ZBTB8OS: variants seen among roughly 807,000 people sequenced by gnomAD.
ZBTB8OS encodes the protein tRNA splicing ligase complex subunit 1, also known as tRNA-splicing ligase-activating factor archease.
Under a neutral mutation model 29.3 loss-of-function variants are expected in ZBTB8OS, and 16 were observed. The ratio of observed to expected loss-of-function variants is 0.55; its 90% CI spans 0.37 to 0.83. The LOEUF (loss-of-function observed/expected upper bound fraction) is 0.83. Among genes scored for constraint, ZBTB8OS ranks in the 40% least tolerant of loss-of-function variants. The pLI, the probability that ZBTB8OS is intolerant of heterozygous loss-of-function variation, is 0.00. For synonymous variants in ZBTB8OS, 70 were observed against 64.6 expected, an observed-to-expected ratio of 1.08 and a Z score of -0.40; for missense variants, 160 against 196.9, an observed-to-expected ratio of 0.81 and a Z score of 1.12.
intron 6 of ZBTB8OS, among the ~76,000 whole-genome samples, chr1:32,625,248 T>TA (rs955677203): frequency 5.1e-5 from 7 of 137,788 alleles, no homozygotes; most frequent in African/African-American, 1.1e-4. Context: ...ATAATAATAA[T>TA]AAAAAAAACT....
intron 1 of ZBTB8OS, among the ~76,000 whole-genome samples, chr1:32,638,710 C>T (rs1008993544): frequency 7.2e-5 from 11 of 152,016 alleles, no homozygotes; most frequent in African/African-American, 2.2e-4. Flanking sequence ...ATTAGGAGTT[C>T]GAGAACAGCC....
rs576721463 is a variant in ZBTB8OS at position 32,648,913 on chromosome 1, C to T, written c.97+1520G>A. 3.4e-5 allele frequency among the ~76,000 whole-genome samples: 5 copies of T among 148,706 alleles called. No individual in the cohort carries two copies. The South Asian group carries it at 1.1e-3, about 32-fold the overall frequency. On this transcript the variant is annotated intron_variant, in intron 1 of 6. Coordinates refer to ENST00000468695, the MANE Select transcript of ZBTB8OS (RefSeq NM_178547.5). ...TCCTGACCTCAGGTGATCCACCCGC[C>T]TCAACCTCCCAAAGTGCTGGGATTA...
At chr1:32,625,997 C>T (rs149208324) in intron 6 of ZBTB8OS, among the ~76,000 whole-genome samples, 15,962 of 151,654 alleles carry the variant, frequency 0.11, 1,500 homozygotes, top group African/African-American at 0.24. Flanking sequence ...CTCAGCCTCC[C>T]GAATAGCTGG....
At chr1:32,629,749 C>CTTTTTTTTT (rs869185319) in intron 5 of ZBTB8OS, among the ~76,000 whole-genome samples, 27 of 114,120 alleles carry the variant, frequency 2.4e-4, no homozygotes, top group Non-Finnish European at 3.7e-4. Context: ...ATGCTTGTTT[C>CTTTTTTTTT]TTTTTTTTTT....
At chr1:32,636,918 T>C (rs1427176923) in intron 1 of ZBTB8OS, among the ~76,000 whole-genome samples, 1 of 152,036 alleles carries the variant, frequency 6.6e-6, no homozygotes, top group Non-Finnish European at 1.5e-5. Context: ...TAGAAGTGTC[T>C]TTCTCTAAAA....
intron 1 of ZBTB8OS, among the ~76,000 whole-genome samples, chr1:32,636,127 G>GC (rs1645934464): frequency 6.6e-6 from 1 of 152,188 alleles, no homozygotes; most frequent in South Asian, 2.1e-4. Context: ...AGAGAAGACA[G>GC]CAAGAAAAAC....
intron 6 of ZBTB8OS, 127 bp downstream of exon 6, chr1:32,627,381 T>C: frequency 1.3e-6 from 1 of 792,214 alleles, no homozygotes; most frequent in South Asian, 1.7e-5. Context: ...TCCAGACAGG[T>C]CAGAGAAGCT....
chr1:32,623,982 G>GT (rs1644924525), intron 6 of ZBTB8OS, among the ~76,000 whole-genome samples: 2 of 152,118 alleles, frequency 1.3e-5, no homozygotes, highest in South Asian at 4.1e-4. Context: ...GTGATAGTGC[G>GT]TGAGTTTTCA....
intron 1 of ZBTB8OS, among the ~76,000 whole-genome samples, chr1:32,636,463 G>A (rs1056496968): frequency 4.6e-5 from 7 of 152,136 alleles, no homozygotes; most frequent in African/African-American, 1.7e-4. Flanking sequence ...GGCCGAGGCA[G>A]GTGGATCACA....
At chr1:32,622,814 T>C (rs551407485) in intron 6 of ZBTB8OS, among the ~76,000 whole-genome samples, 9 of 152,126 alleles carry the variant, frequency 5.9e-5, no homozygotes, top group Middle Eastern at 3.4e-3. Flanking sequence ...TTTTCTACTA[T>C]TTGGCTCAGG....
At chr1:32,635,847 C>A (rs1645911947) in intron 1 of ZBTB8OS, among the ~76,000 whole-genome samples, 1 of 152,126 alleles carries the variant, frequency 6.6e-6, no homozygotes, top group South Asian at 2.1e-4. Flanking sequence ...TTAGTAACAG[C>A]CCTTTCCCGA....
In ZBTB8OS at chr1:32,633,768, T is replaced by TA. The variant is rs777071989; in HGVS notation, c.245-42dup. The TA allele has an allele frequency of 6.6e-6, 10 of 1,523,792 alleles. No individual in the cohort carries two copies. The Admixed American group carries it at 1.1e-4, about 16-fold the overall frequency. The allele number at this position is 1,523,792 out of a possible 1,614,324, so 94.4% of individuals were successfully genotyped here. On this transcript the variant is annotated intron_variant, in intron 3 of 6. Coordinates refer to ENST00000468695, the MANE Select transcript of ZBTB8OS (RefSeq NM_178547.5). ...TAGTATATTTAATAATTCTGGTCTC[T>TA]AAAAACATACTTGAATTTAAAAGTG... is the stretch of plus-strand genomic sequence containing the variant.
chr1:32,628,218 G>A (rs186276317), intron 5 of ZBTB8OS, among the ~76,000 whole-genome samples: 181 of 152,188 alleles, frequency 1.2e-3, no homozygotes, highest in African/African-American at 4.2e-3. Context: ...TTAGCCGGGC[G>A]TGGTGGCGCA....
At chr1:32,634,609 C>T (rs1645814980) in intron 2 of ZBTB8OS, 159 bp downstream of exon 2, 2 of 851,060 alleles carry the variant, frequency 2.4e-6, no homozygotes, top group Admixed American at 3.9e-5. Flanking sequence ...CTCACTGAGC[C>T]ACTGAACCCT....
intron 1 of ZBTB8OS, among the ~76,000 whole-genome samples, chr1:32,636,740 G>C (rs548642479): frequency 6.6e-6 from 1 of 151,606 alleles, no homozygotes; most frequent in African/African-American, 2.4e-5. Flanking sequence ...AGGTCCCTAG[G>C]ATGACCCTAA....
rs532300733 is a variant in ZBTB8OS at position 32,643,448 on chromosome 1, A to G, written c.97+6985T>C. The stretch of plus-strand genomic sequence containing the variant: ...CTCACTGTCTACCAAGGTGGAGTAC[A>G]GTGGCACAATCATGGCTCACAGCAG... On this transcript the variant is annotated intron_variant, in intron 1 of 6. Coordinates refer to ENST00000468695, the MANE Select transcript of ZBTB8OS (RefSeq NM_178547.5). Among the ~76,000 whole-genome samples, 11 of 151,760 alleles carry G rather than the reference A, an allele frequency of 7.2e-5. No individual in the cohort carries two copies. In the East Asian group the frequency reaches 1.9e-3, roughly 27 times the overall value.
chr1:32,631,455 G>A (rs1217281189), intron 5 of ZBTB8OS, among the ~76,000 whole-genome samples: 2 of 152,012 alleles, frequency 1.3e-5, no homozygotes, highest in Non-Finnish European at 2.9e-5. Context: ...CTAATCAAGT[G>A]TTTGCAAACT....
intron 4 of ZBTB8OS, 88 bp from the exon 5 acceptor site, chr1:32,631,967 A>C: frequency 2.2e-6 from 1 of 447,416 alleles, no homozygotes; most frequent in Non-Finnish European, 3.8e-6. Context: ...GTTTTTTTGG[A>C]CCATCTACTA....
intron 1 of ZBTB8OS, among the ~76,000 whole-genome samples, chr1:32,637,840 A>AT (rs1021392712): frequency 2.0e-5 from 3 of 151,316 alleles, no homozygotes; most frequent in African/African-American, 2.4e-5. Context: ...AAAATATATA[A>AT]TTTTTTTTTG....
Sources: allele counts gnomAD v4.1 joint callset (sites outside exome capture counted in the v4.1 genomes callset), GRCh38; gene constraint gnomAD v4.1.1; transcripts MANE v1.5; gene names NCBI Gene and HGNC (gene_info 2026-07-23, HGNC 2026-07-21).